Variants in OPRM1 observed in about 807,000 individuals in gnomAD.
OPRM1 encodes opioid receptor mu 1, also known as mu-type opioid receptor.
In OPRM1, 27 loss-of-function variants were observed where a neutral mutation model predicts 31.8. That is an observed-to-expected ratio of 0.85 (90% CI 0.63 to 1.17). OPRM1 has a LOEUF of 1.17. OPRM1 is among the 50% of genes most tolerant of loss of function. The pLI is 0.00. For missense variants in OPRM1, 536 were observed against 511.1 expected (o/e 1.05, Z -0.47); for synonymous variants, 196 against 189.9 (o/e 1.03, Z -0.26).
intron 1 of OPRM1, among the ~76,000 whole-genome samples, chr6:154,057,615 T>A (rs2128427018): frequency 6.6e-6 from 1 of 152,284 alleles, no homozygotes; most frequent in South Asian, 2.1e-4. Flanking sequence ...TTCATTTTCA[T>A]AAAAGAATGA....
chr6:154,123,486 T>C lies in OPRM1; in HGVS notation c.*4765T>C, dbSNP rs949343352. ...TCTCCGAGGACTAGTCTTAGCTGTT[T>C]ACCTAACTGATTGGTCCTTTTCTTC... On this transcript the variant is annotated 3_prime_UTR_variant, in exon 4 of 4. Coordinates refer to ENST00000330432, the MANE Select transcript of OPRM1 (RefSeq NM_000914.5). Among the ~76,000 whole-genome samples, 1 of 152,234 alleles carries C rather than the reference T, an allele frequency of 6.6e-6. No homozygotes were observed. The highest frequency in any genetic ancestry group is 1.5e-5 in the Non-Finnish European group (1 of 68,034).
chr6:154,152,012 T>TA (rs761031875), intron 3 of OPRM1, among the ~76,000 whole-genome samples: 2 of 151,582 alleles, frequency 1.3e-5, no homozygotes, highest in Non-Finnish European at 2.9e-5. Context: ...CTGTCTCTAC[T>TA]AAAAATACAG....
Position 154,055,093 on chromosome 6 carries a change from C to A in OPRM1, c.290+15259C>A, listed in dbSNP as rs193154453. Among the ~76,000 whole-genome samples the A allele has an allele frequency of 1.8e-3, 273 of 152,286 alleles. 1 individual carries two copies. The highest frequency in any genetic ancestry group is 8.1e-4 in the Non-Finnish European group (55 of 68,020). Reference sequence around the variant, plus strand: ...AAAATATGTGGTCAACTCTAAAGTGCTCTGTAAAGCTTGGCTGGGCGCATT... The same window carrying A: ...AAAATATGTGGTCAACTCTAAAGTGATCTGTAAAGCTTGGCTGGGCGCATT... On this transcript the variant is annotated intron_variant, in intron 1 of 3. Transcript: ENST00000330432.
chr6:154,114,876 T>TAA (rs1220080727), intron 3 of OPRM1, among the ~76,000 whole-genome samples: 40 of 138,690 alleles, frequency 2.9e-4, no homozygotes, highest in African/African-American at 8.8e-4. Context: ...GAATTCTAAT[T>TAA]AAAAAAAAAA....
rs749043546 is a variant in OPRM1, at chr6:154,091,184, C to T, written c.876C>T (p.Ile292=). 8 of 1,613,990 alleles carry T rather than the reference C, an allele frequency of 5.0e-6. No individual in the cohort carries two copies. The highest frequency in any genetic ancestry group is 2.2e-5 in the South Asian group (2 of 91,088). Residue 292 remains isoleucine, a synonymous_variant, in exon 3 of 4, where the codon ATC becomes ATT. Transcript: ENST00000330432. ...RMVLVVVAVF[I]VCWTPIHIYV... ...TGCTGGTGGTGGTGGCTGTGTTCAT[C>T]GTCTGCTGGACTCCCATTCACATTT... is the stretch of plus-strand genomic sequence containing the variant.
intron 3 of OPRM1, among the ~76,000 whole-genome samples, chr6:154,099,841 TATATCATA>T (rs1794218225): frequency 6.8e-6 from 1 of 146,240 alleles, no homozygotes; most frequent in African/African-American, 2.5e-5. Context: ...CATATCAGGA[TATATCATA>T]ATATATTATA....
downstream of OPRM1, among the ~76,000 whole-genome samples, chr6:154,133,713 G>C (rs1025415125): frequency 1.3e-5 from 2 of 152,202 alleles, no homozygotes. Flanking sequence ...GTGTTGGTCT[G>C]TTTCCAACTG....
intron 3 of OPRM1, chr6:154,093,362 T>G (rs180903699): frequency 1.2e-6 from 2 of 1,614,088 alleles, no homozygotes; most frequent in Non-Finnish European, 1.7e-6. Flanking sequence ...TTGTCAGATA[T>G]GACCTCCCAG....
chr6:154,090,012 C>A lies in OPRM1; in HGVS notation c.477C>A (p.Thr159=). 6.2e-7 allele frequency: 1 copy of A among 1,614,056 alleles called. No individual in the cohort carries two copies. The highest frequency in any genetic ancestry group is 1.3e-5 in the African/African-American group (1 of 75,036). Reference sequence around the variant, plus strand: ...ATAACATGTTCACCAGCATATTCACCCTCTGCACCATGAGTGTTGATCGAT... The same window carrying A: ...ATAACATGTTCACCAGCATATTCACACTCTGCACCATGAGTGTTGATCGAT... ...DYYNMFTSIF[T]LCTMSVDRYI... Residue 159 remains threonine, a synonymous_variant, in exon 2 of 4, where the codon ACC becomes ACA. Coordinates refer to ENST00000330432, the MANE Select transcript of OPRM1 (RefSeq NM_000914.5).
At chr6:154,159,380 C>G (rs1420175161) in intron 3 of OPRM1, 6 of 170,714 alleles carry the variant, frequency 3.5e-5, no homozygotes, top group African/African-American at 1.4e-4. Context: ...GAAAACATTC[C>G]TCCACTCAAA....
At chr6:154,025,399 T>A (rs1422016056) in intron 1 of OPRM1, among the ~76,000 whole-genome samples, 1 of 152,058 alleles carries the variant, frequency 6.6e-6, no homozygotes, top group Non-Finnish European at 1.5e-5. Context: ...CTTTTTATTG[T>A]CAGTGTATAT....
intron 3 of OPRM1, among the ~76,000 whole-genome samples, chr6:154,098,532 A>G (rs1793799789): frequency 1.3e-5 from 2 of 152,166 alleles, no homozygotes; most frequent in South Asian, 4.1e-4. Context: ...TTTAACTTTC[A>G]ACAACACCAC....
intron 1 of OPRM1, among the ~76,000 whole-genome samples, chr6:154,084,297 G>T (rs147360237): frequency 6.6e-6 from 1 of 152,234 alleles, no homozygotes; most frequent in East Asian, 1.9e-4. Context: ...AGCTAGTGGA[G>T]AATATAATAC....
At chr6:154,160,073 T>G in intron 3 of OPRM1, 1 of 1,489,640 alleles carries the variant, frequency 6.7e-7, no homozygotes, top group Non-Finnish European at 9.3e-7. Flanking sequence ...GAAGGGGGTA[T>G]GTTGAGAGTG....
chr6:154,225,990 C>T (rs1042893663), intron 3 of OPRM1, among the ~76,000 whole-genome samples: 1 of 152,214 alleles, frequency 6.6e-6, no homozygotes. Flanking sequence ...CCCTCTGGAG[C>T]CACCCTGATG....
At chr6:154,019,828 G>A (rs1778253728) in intron 1 of OPRM1, among the ~76,000 whole-genome samples, 1 of 148,778 alleles carries the variant, frequency 6.7e-6, no homozygotes, top group African/African-American at 2.5e-5. Flanking sequence ...CTCCTTTCCG[G>A]GCTCAAGCAA....
At chr6:154,042,692 C>T (rs1780318650) in intron 1 of OPRM1, among the ~76,000 whole-genome samples, 1 of 151,888 alleles carries the variant, frequency 6.6e-6, no homozygotes, top group Non-Finnish European at 1.5e-5. Context: ...CTAAGGAATA[C>T]AAGGGAGGAA....
chr6:154,196,554 T>C (rs1318680330), intron 3 of OPRM1, among the ~76,000 whole-genome samples: 3 of 152,186 alleles, frequency 2.0e-5, no homozygotes, highest in Non-Finnish European at 4.4e-5. Flanking sequence ...CAGAGTAAGG[T>C]TTCTTCATTC....
chr6:154,107,013 T>G lies in OPRM1; in HGVS notation c.1165-11670T>G, dbSNP rs545380624. 3.9e-5 allele frequency among the ~76,000 whole-genome samples: 6 copies of G among 152,354 alleles called. 1 individual carries two copies. In the South Asian group the frequency reaches 1.2e-3, roughly 32 times the overall value. ...ATATTCTATTTTTCTGCTGAAATACTTCATTTAAAGGCTTATATTTCTAAG... is the reference window on the plus strand; with the variant it reads ...ATATTCTATTTTTCTGCTGAAATACGTCATTTAAAGGCTTATATTTCTAAG... On this transcript the variant is annotated intron_variant, in intron 3 of 3. Transcript: ENST00000330432.
Sources: gnomAD v4.1 joint callset for allele counts (sites outside exome capture counted in the v4.1 genomes callset) on GRCh38, gnomAD v4.1.1 for gene constraint, MANE v1.5 for transcripts, NCBI Gene and HGNC (gene_info 2026-07-23, HGNC 2026-07-21) for gene names.